The following CNTNAP5 variants were observed in gnomAD, a reference collection of about 807,000 sequenced individuals.
CNTNAP5 encodes the protein contactin associated protein family member 5.
A neutral mutation model predicts 150.2 loss-of-function variants in CNTNAP5; 72 were observed. That is an observed-to-expected ratio of 0.48 (90% CI 0.40 to 0.58). CNTNAP5 has a LOEUF of 0.58. CNTNAP5 is among the 20% of genes least tolerant of loss of function. CNTNAP5 has a pLI of 0.00. For missense variants in CNTNAP5, 1,636 were observed against 1,626.2 expected, an observed-to-expected ratio of 1.01 and a Z score of -0.10; for synonymous variants, 672 against 619.8, an observed-to-expected ratio of 1.08 and a Z score of -1.25.
In CNTNAP5 at chr2:124,344,406, C is replaced by A. The variant is rs1001881171; in HGVS notation, c.382-73037C>A. On this transcript the variant is annotated intron_variant, in intron 3 of 23. Coordinates refer to ENST00000682447, the MANE Select transcript of CNTNAP5 (RefSeq NM_001367498.1). ...TTCCAAGATACACTGCTGGAACAGA[C>A]ATTTGGTAGACATCCTCCTTCCAAA... 1.3e-5 allele frequency among the ~76,000 whole-genome samples: 2 copies of A among 151,944 alleles called. 1 individual carries two copies. Among genetic ancestry groups the A allele is most frequent in the Non-Finnish European group, 2.9e-5 (2 of 67,998 alleles).
chr2:124,490,193 G>A (rs1314117004), intron 7 of CNTNAP5, among the ~76,000 whole-genome samples: 1 of 152,030 alleles, frequency 6.6e-6, no homozygotes, highest in African/African-American at 2.4e-5. Context: ...AATTAGCCAG[G>A]CATGGTGGTG....
chr2:124,325,587 G>A (rs17011423), intron 3 of CNTNAP5, among the ~76,000 whole-genome samples: 1 of 151,910 alleles, frequency 6.6e-6, no homozygotes, highest in Non-Finnish European at 1.5e-5. Context: ...TTCATCTTGG[G>A]GTAAAAAAAC....
intron 1 of CNTNAP5, among the ~76,000 whole-genome samples, chr2:124,026,611 T>C (rs1680896846): frequency 6.6e-6 from 1 of 152,210 alleles, no homozygotes; most frequent in Non-Finnish European, 1.5e-5. Context: ...GGGAAGTTTT[T>C]CCAGCTCTGG....
intron 3 of CNTNAP5, among the ~76,000 whole-genome samples, chr2:124,361,114 T>C (rs1032348297): frequency 5.4e-5 from 8 of 147,688 alleles, no homozygotes; most frequent in African/African-American, 2.0e-4. Flanking sequence ...CTCCTGAGGC[T>C]TCTGCATTCT....
intron 13 of CNTNAP5, among the ~76,000 whole-genome samples, chr2:124,723,598 G>T (rs1055911407): frequency 6.6e-6 from 1 of 152,154 alleles, no homozygotes; most frequent in African/African-American, 2.4e-5. Flanking sequence ...CATAGACTGA[G>T]TGACTTGATC....
intron 3 of CNTNAP5, among the ~76,000 whole-genome samples, chr2:124,304,389 G>A (rs908070904): frequency 1.3e-5 from 2 of 151,444 alleles, no homozygotes; most frequent in African/African-American, 4.9e-5. Context: ...AAATGGCAAA[G>A]TAGACTCTGC....
intron 3 of CNTNAP5, among the ~76,000 whole-genome samples, chr2:124,355,045 C>T (rs1303608684): frequency 4.0e-5 from 6 of 150,850 alleles, no homozygotes; most frequent in Admixed American, 4.0e-4. Flanking sequence ...AATATTTTTC[C>T]TTTTCATTTA....
chr2:124,473,524 T>G (rs948677543), intron 6 of CNTNAP5, among the ~76,000 whole-genome samples: 1 of 151,966 alleles, frequency 6.6e-6, no homozygotes, highest in Admixed American at 6.6e-5. Context: ...GTGAAGCTTG[T>G]AAAAAAATCT....
At chr2:124,713,269 CTT>C (rs1558746709) in intron 13 of CNTNAP5, among the ~76,000 whole-genome samples, 27 of 105,676 alleles carry the variant, frequency 2.6e-4, no homozygotes, top group Non-Finnish European at 4.1e-4. Context: ...TTCTTTCTTT[CTT>C]TCTTTCTTTC....
Position 124,124,616 on chromosome 2 carries a change from T to C in CNTNAP5, c.83-97089T>C, listed in dbSNP as rs535302686. 4.6e-5 allele frequency among the ~76,000 whole-genome samples: 7 copies of C among 152,152 alleles called. No homozygotes were observed. The South Asian group carries it at 8.4e-4, about 18-fold the overall frequency. On this transcript the variant is annotated intron_variant, in intron 1 of 23. Coordinates refer to ENST00000682447, the MANE Select transcript of CNTNAP5 (RefSeq NM_001367498.1). ...AACTCCAAGACACATAATTGTCAGA[T>C]TCACCAAAGTTGAAATGAAGGAAAA... is the stretch of plus-strand genomic sequence containing the variant.
rs775812828 is a variant in CNTNAP5 at position 124,446,836 on chromosome 2, C to T, written c.817C>T (p.Leu273Phe). 4 of 1,613,796 alleles carry T rather than the reference C, an allele frequency of 2.5e-6. No homozygotes were observed. The East Asian group carries it at 6.7e-5, about 27-fold the overall frequency. The change falls in exon 6 of 24, where the codon CTC (leucine) becomes TTC (phenylalanine). Residue 273 changes from leucine to phenylalanine, a missense_variant. Physicochemically the swap from Leu to Phe is conservative, Grantham distance 22. Coordinates refer to ENST00000682447, the MANE Select transcript of CNTNAP5 (RefSeq NM_001367498.1). ...LLDDQHWHSVLIERVGKQVNF... is the reference protein window; with the variant it reads ...LLDDQHWHSVFIERVGKQVNF... ...GGATGACCAGCACTGGCACTCGGTC[C>T]TCATTGAGCGGGTGGGCAAGCAGGT...
At position 124,832,919 on chromosome 2, in the gene CNTNAP5, C is replaced by CT. The variant is rs539240335; in HGVS notation, c.3218-32376dup. Among the ~76,000 whole-genome samples the CT allele has an allele frequency of 5.7e-3, 823 of 143,204 alleles. 30 individuals carry two copies. The East Asian group carries it at 0.1, about 18-fold the overall frequency. The allele number at this position is 143,204 out of a possible 152,430, so 93.9% of individuals were successfully genotyped here. ...TTTCTTTTTCTTTTTTTTTCTTTTCCTTTTTTTTTTTGAGACAGGGTCTGC... is the reference window on the plus strand; with the variant it reads ...TTTCTTTTTCTTTTTTTTTCTTTTCCTTTTTTTTTTTTGAGACAGGGTCTGC... On this transcript the variant is annotated intron_variant, in intron 19 of 23. Coordinates refer to ENST00000682447, the MANE Select transcript of CNTNAP5 (RefSeq NM_001367498.1).
At chr2:124,414,722 C>T (rs78105092) in intron 3 of CNTNAP5, among the ~76,000 whole-genome samples, 67 of 149,742 alleles carry the variant, frequency 4.5e-4, no homozygotes, top group South Asian at 2.1e-3. Context: ...TGTGTGTGTG[C>T]GTGTGTGTGT....
At chr2:124,030,871 A>T (rs1000211687) in intron 1 of CNTNAP5, among the ~76,000 whole-genome samples, 1 of 152,148 alleles carries the variant, frequency 6.6e-6, no homozygotes, top group African/African-American at 2.4e-5. Context: ...ACATGTTGAC[A>T]TGACGGGTTG....
At chr2:124,400,693 T>G (rs563503393) in intron 3 of CNTNAP5, among the ~76,000 whole-genome samples, 182 of 150,410 alleles carry the variant, frequency 1.2e-3, no homozygotes, top group Middle Eastern at 3.4e-3. Flanking sequence ...TTTTTTGTTT[T>G]TTTTCTTTAG....
chr2:124,194,226 C>T (rs145282364), intron 1 of CNTNAP5, among the ~76,000 whole-genome samples: 96 of 151,966 alleles, frequency 6.3e-4, no homozygotes, highest in African/African-American at 2.2e-3. Flanking sequence ...ATACCAGCAT[C>T]CTCCTCATCC....
At chr2:124,122,638 C>T (rs1683591345) in intron 1 of CNTNAP5, among the ~76,000 whole-genome samples, 1 of 152,140 alleles carries the variant, frequency 6.6e-6, no homozygotes, top group Admixed American at 6.5e-5. Context: ...GGAAAAGGCA[C>T]AAGTCACAGA....
intron 15 of CNTNAP5, 48 bp downstream of exon 15, chr2:124,763,847 A>G (rs774508066): frequency 3.1e-6 from 5 of 1,610,988 alleles, no homozygotes; most frequent in African/African-American, 1.3e-5. Flanking sequence ...ACATGAGCAC[A>G]AGATGTTCTT....
chr2:124,476,827 T>C (rs1307632339), intron 7 of CNTNAP5, among the ~76,000 whole-genome samples: 1 of 152,122 alleles, frequency 6.6e-6, no homozygotes. Context: ...AGCATCTCTC[T>C]TTCTATGCTA....
Sources: gnomAD v4.1 joint callset for allele counts (sites outside exome capture counted in the v4.1 genomes callset) on GRCh38, gnomAD v4.1.1 for gene constraint, MANE v1.5 for transcripts, NCBI Gene and HGNC (gene_info 2026-07-23, HGNC 2026-07-21) for gene names.